TUT4: variants seen among roughly 807,000 people sequenced by gnomAD.
TUT4 encodes terminal uridylyltransferase 4.
A neutral mutation model predicts 192.2 loss-of-function variants in TUT4; 36 were observed. The ratio of observed to expected loss-of-function variants is 0.19; its 90% CI spans 0.14 to 0.25. The LOEUF is 0.25. Among genes scored for constraint, TUT4 ranks in the 10% least tolerant of loss-of-function variants. TUT4 has a pLI of 1.00. For missense variants in TUT4, 1,493 were observed against 1,957.2 expected, an observed-to-expected ratio of 0.76 and a Z score of 4.47; for synonymous variants, 618 against 666.0, an observed-to-expected ratio of 0.93 and a Z score of 1.11.
chr1:52,448,048 G>A (rs1470562647), intron 20 of TUT4, among the ~76,000 whole-genome samples: 1 of 152,176 alleles, frequency 6.6e-6, no homozygotes, highest in African/African-American at 2.4e-5. Flanking sequence ...TCAGATTTAA[G>A]TTCTTTGTGG....
chr1:52,461,457 A>G, intron 18 of TUT4, 56 bp downstream of exon 18: 1 of 1,492,920 alleles, frequency 6.7e-7, no homozygotes, highest in Non-Finnish European at 9.2e-7. Flanking sequence ...TAGAGTCAGT[A>G]ATCTGTAAAC....
At chr1:52,481,736 G>A in intron 10 of TUT4, 68 bp downstream of exon 10, 1 of 1,533,526 alleles carries the variant, frequency 6.5e-7, no homozygotes, top group Middle Eastern at 2.0e-4. Context: ...TAAAATGTTT[G>A]AGCAGAGTTC....
intron 1 of TUT4, among the ~76,000 whole-genome samples, chr1:52,530,433 T>C (rs1683069324): frequency 6.6e-6 from 1 of 152,146 alleles, no homozygotes; most frequent in African/African-American, 2.4e-5. Flanking sequence ...AAGCGCATCA[T>C]AGAGAATGGG....
chr1:52,424,021 A>G lies in TUT4; in HGVS notation c.4871-19T>C. 6.2e-7 allele frequency: 1 copy of G among 1,601,466 alleles called. No homozygotes were observed. Among genetic ancestry groups the G allele is most frequent in the Non-Finnish European group, 8.5e-7 (1 of 1,174,034 alleles). Reference sequence around the variant, plus strand: ...CATCTGTCTGTTGGATACAACACAGACAGGAAACTGAAAGGCTTGTGCCTG... The same window carrying G: ...CATCTGTCTGTTGGATACAACACAGGCAGGAAACTGAAAGGCTTGTGCCTG... On this transcript the variant is annotated intron_variant, in intron 29 of 29. Transcript: ENST00000257177.
chr1:52,544,126 A>C (rs1399243727), intron 1 of TUT4, among the ~76,000 whole-genome samples: 4 of 152,034 alleles, frequency 2.6e-5, no homozygotes, highest in East Asian at 3.9e-4. Flanking sequence ...TCTCTACTAA[A>C]AATACAAAAA....
intron 4 of TUT4, among the ~76,000 whole-genome samples, 173 bp downstream of exon 4, chr1:52,509,423 T>C (rs1234723144): frequency 6.6e-6 from 1 of 152,168 alleles, no homozygotes; most frequent in African/African-American, 2.4e-5. Context: ...CTCAACAAGG[T>C]TCCTTCCTGA....
chr1:52,442,525 T>C (rs907672221), intron 24 of TUT4, among the ~76,000 whole-genome samples: 6 of 152,246 alleles, frequency 3.9e-5, no homozygotes, highest in African/African-American at 1.4e-4. Context: ...AGATCAGAAG[T>C]GTTTTGGATT....
intron 8 of TUT4, among the ~76,000 whole-genome samples, chr1:52,489,780 G>T (rs1371702168): frequency 1.3e-5 from 2 of 152,132 alleles, no homozygotes; most frequent in African/African-American, 4.8e-5. Context: ...TAGACAAACT[G>T]ATAAACCACT....
Position 52,526,345 on chromosome 1 carries a change from T to C in TUT4, c.-65A>G, listed in dbSNP as rs1681744504. 7.4e-7 allele frequency: 1 copy of C among 1,347,494 alleles called. No homozygotes were observed. The highest frequency in any genetic ancestry group is 9.6e-7 in the Non-Finnish European group (1 of 1,043,914). The allele number at this position is 1,347,494 out of a possible 1,614,324, so 83.5% of individuals were successfully genotyped here. On this transcript the variant is annotated 5_prime_UTR_variant, in exon 2 of 30. Transcript: ENST00000257177. ...AATGGCAGATCTCCAGTAGTTTAAA[T>C]TGCTTCAAGTCCAGTTTAGGCAAGC...
chr1:52,448,421 C>G (rs1470487659), intron 20 of TUT4, among the ~76,000 whole-genome samples: 2 of 151,938 alleles, frequency 1.3e-5, no homozygotes, highest in African/African-American at 4.8e-5. Flanking sequence ...AACCCCGTCT[C>G]TAATAAAAAT....
chr1:52,467,906 A>C (rs554170249), intron 15 of TUT4, among the ~76,000 whole-genome samples: 1 of 152,306 alleles, frequency 6.6e-6, no homozygotes, highest in Non-Finnish European at 1.5e-5. Flanking sequence ...AGAGAGGCCT[A>C]TCATAACACT....
Position 52,525,479 on chromosome 1 carries a change from A to C in TUT4, c.718+84T>G. The C allele has an allele frequency of 2.7e-6, 4 of 1,490,480 alleles. No homozygotes were observed. The South Asian group carries it at 5.7e-5, about 21-fold the overall frequency. 92.3% of individuals were successfully genotyped at this position (1,490,480 alleles called of 1,614,324 possible). On this transcript the variant is annotated intron_variant, in intron 2 of 29. Transcript: ENST00000257177. ...AAGTGCTAAACAATTATGTATAAAC[A>C]TGACTTTTTGTAATTAAAATGGTTA...
intron 4 of TUT4, among the ~76,000 whole-genome samples, chr1:52,507,469 AT>A (rs113341868): frequency 3.5e-4 from 52 of 148,538 alleles, no homozygotes; most frequent in South Asian, 1.1e-3. Context: ...ATATTTCTGT[AT>A]TTTTTTTTTG....
At chr1:52,549,869 C>G (rs1260063722) in intron 1 of TUT4, among the ~76,000 whole-genome samples, 1 of 152,112 alleles carries the variant, frequency 6.6e-6, no homozygotes, top group Admixed American at 6.5e-5. Context: ...GTTTTGGTTC[C>G]CTTCTCTCTC....
intron 9 of TUT4, among the ~76,000 whole-genome samples, chr1:52,486,100 A>G (rs1669721923): frequency 6.6e-6 from 1 of 152,190 alleles, no homozygotes; most frequent in Non-Finnish European, 1.5e-5. Context: ...CTAATGAATA[A>G]GTCAACTTAA....
intron 3 of TUT4, among the ~76,000 whole-genome samples, chr1:52,513,218 C>G (rs925925482): frequency 6.6e-6 from 1 of 150,710 alleles, no homozygotes; most frequent in Non-Finnish European, 1.5e-5. Context: ...TCCGGGCAAC[C>G]TGGCAAAACA....
At chr1:52,452,409 C>T (rs571697922) in intron 20 of TUT4, among the ~76,000 whole-genome samples, 10 of 152,222 alleles carry the variant, frequency 6.6e-5, no homozygotes, top group African/African-American at 2.4e-4. Flanking sequence ...GGCTGACAGC[C>T]CCTAGGTATC....
chr1:52,549,541 T>C (rs1250249158), intron 1 of TUT4, among the ~76,000 whole-genome samples: 2 of 152,200 alleles, frequency 1.3e-5, no homozygotes, highest in East Asian at 1.9e-4. Flanking sequence ...TACTGTATTA[T>C]ATGTAGACTG....
intron 28 of TUT4, 71 bp downstream of exon 28, chr1:52,430,942 A>G (rs1641480616): frequency 6.8e-7 from 1 of 1,465,528 alleles, no homozygotes; most frequent in South Asian, 1.4e-5. Flanking sequence ...CTTTTTCCTC[A>G]CATTGTTTCT....
Sources: allele counts gnomAD v4.1 joint callset (sites outside exome capture counted in the v4.1 genomes callset), GRCh38; gene constraint gnomAD v4.1.1; transcripts MANE v1.5; gene names NCBI Gene and HGNC (gene_info 2026-07-23, HGNC 2026-07-21).